Variants in NRG3 observed in about 807,000 individuals in gnomAD.
NRG3 encodes the protein pro-neuregulin-3, membrane-bound isoform.
NRG3 carries 31 observed loss-of-function variants against 66.9 expected under a neutral mutation model. The observed-to-expected ratio is 0.46, with a 90% CI of 0.35 to 0.63. The LOEUF is 0.63. Among genes scored for constraint, NRG3 ranks in the 20% least tolerant of loss-of-function variants. The probability of loss-of-function intolerance (pLI) is 0.00; values close to 1 mark genes in which losing one functional copy is unlikely to be tolerated. For synonymous variants in NRG3, 393 were observed against 359.4 expected, an observed-to-expected ratio of 1.09 and a Z score of -1.06; for missense variants, 910 against 878.9, an observed-to-expected ratio of 1.04 and a Z score of -0.45.
At chr10:81,956,981 G>A (rs1849896949) in intron 1 of NRG3, among the ~76,000 whole-genome samples, 1 of 152,182 alleles carries the variant, frequency 6.6e-6, no homozygotes, top group Non-Finnish European at 1.5e-5. Flanking sequence ...ATACATGCCT[G>A]TCTTCCATAG....
At chr10:82,086,623 A>T (rs2065740951) in intron 1 of NRG3, among the ~76,000 whole-genome samples, 1 of 152,140 alleles carries the variant, frequency 6.6e-6, no homozygotes, top group Non-Finnish European at 1.5e-5. Context: ...GGTTCTAAAG[A>T]TAGAGAGGAA....
chr10:82,271,821 T>C (rs553401521), intron 1 of NRG3, among the ~76,000 whole-genome samples: 1 of 152,224 alleles, frequency 6.6e-6, no homozygotes, highest in South Asian at 2.1e-4. Flanking sequence ...TCACACTTTA[T>C]ACCTTAGATA....
chr10:82,940,789 G>GA (rs985970211), intron 4 of NRG3, among the ~76,000 whole-genome samples: 5 of 152,056 alleles, frequency 3.3e-5, no homozygotes, highest in Non-Finnish European at 7.4e-5. Context: ...TCCTATCTGT[G>GA]AGGGTGGAGC....
At chr10:82,584,409 C>A (rs1206281540) in intron 2 of NRG3, among the ~76,000 whole-genome samples, 1 of 152,142 alleles carries the variant, frequency 6.6e-6, no homozygotes, top group Non-Finnish European at 1.5e-5. Flanking sequence ...ATCTCAGGAG[C>A]CAACTCCATT....
intron 3 of NRG3, among the ~76,000 whole-genome samples, chr10:82,749,509 T>C (rs941988176): frequency 6.6e-6 from 1 of 152,156 alleles, no homozygotes; most frequent in East Asian, 1.9e-4. Context: ...TATAAGGTGT[T>C]TGGAGCCTGA....
chr10:82,388,246 A>G (rs897970372), intron 2 of NRG3, among the ~76,000 whole-genome samples: 6 of 152,208 alleles, frequency 3.9e-5, no homozygotes, highest in Non-Finnish European at 7.3e-5. Context: ...GGGAATAAGA[A>G]AGTTTTTTTA....
chr10:82,112,706 C>G (rs570753557), intron 1 of NRG3, among the ~76,000 whole-genome samples: 7 of 152,100 alleles, frequency 4.6e-5, no homozygotes, highest in Non-Finnish European at 1.0e-4. Context: ...CTGAAGGTCA[C>G]CCTATGGTTT....
chr10:82,443,244 GA>G (rs1223275329), intron 2 of NRG3, among the ~76,000 whole-genome samples: 1 of 151,972 alleles, frequency 6.6e-6, no homozygotes, highest in East Asian at 1.9e-4. Context: ...TATCCCACTT[GA>G]CACATCACGA....
Position 82,659,061 on chromosome 10 carries a change from T to C in NRG3, c.954-79516T>C, listed in dbSNP as rs80347379. On this transcript the variant is annotated intron_variant, in intron 2 of 8. Coordinates refer to ENST00000372141, the MANE Select transcript of NRG3 (RefSeq NM_001010848.4). Reference sequence around the variant, plus strand: ...GTTCTAGATAGTACAAATTCACTGATTTCATTATTCTGAGCTCAAGTAATC... The same window carrying C: ...GTTCTAGATAGTACAAATTCACTGACTTCATTATTCTGAGCTCAAGTAATC... 1.5e-4 allele frequency among the ~76,000 whole-genome samples: 23 copies of C among 152,354 alleles called. No homozygotes were observed. In the East Asian group the frequency reaches 4.4e-3, roughly 29 times the overall value.
chr10:81,892,360 C>CG (rs1423051106), intron 1 of NRG3, among the ~76,000 whole-genome samples: 2 of 151,782 alleles, frequency 1.3e-5, no homozygotes, highest in Admixed American at 1.3e-4. Flanking sequence ...GGAGGAATTG[C>CG]GGGCACACAC....
In NRG3 at chr10:82,047,474, C is replaced by T. The variant is rs1589901750; in HGVS notation, c.823+171311C>T. Among the ~76,000 whole-genome samples, 4 of 151,884 alleles carry T rather than the reference C, an allele frequency of 2.6e-5. 1 individual carries two copies. The highest frequency in any genetic ancestry group is 2.0e-4 in the Admixed American group (3 of 15,216). ...CATTCTTAAAGGAAAGAATTTTCAACCCAGAATTTCATATCCAGCCAAACT... is the reference window on the plus strand; with the variant it reads ...CATTCTTAAAGGAAAGAATTTTCAATCCAGAATTTCATATCCAGCCAAACT... On this transcript the variant is annotated intron_variant, in intron 1 of 8. Transcript: ENST00000372141.
At chr10:82,717,381 T>C (rs980473894) in intron 2 of NRG3, among the ~76,000 whole-genome samples, 27 of 144,446 alleles carry the variant, frequency 1.9e-4, no homozygotes, top group Admixed American at 1.8e-3. Context: ...AAATGAAGCA[T>C]TGGAAAAGCT....
chr10:82,475,946 A>T (rs891764611), intron 2 of NRG3, among the ~76,000 whole-genome samples: 1 of 152,186 alleles, frequency 6.6e-6, no homozygotes, highest in Non-Finnish European at 1.5e-5. Flanking sequence ...CACATCTGAT[A>T]AGCAGTTAAG....
At chr10:82,125,453 G>A (rs1430149016) in intron 1 of NRG3, among the ~76,000 whole-genome samples, 4 of 151,926 alleles carry the variant, frequency 2.6e-5, no homozygotes, top group Admixed American at 6.6e-5. Flanking sequence ...CATAAATCAT[G>A]GCTGTATATA....
chr10:82,337,751 G>GTA (rs141202354), intron 1 of NRG3, among the ~76,000 whole-genome samples: 4,282 of 152,170 alleles, frequency 0.028, 180 homozygotes, highest in African/African-American at 0.093. Context: ...TTTGTTGGAT[G>GTA]TATGTATATA....
chr10:82,492,105 C>T (rs1176755750), intron 2 of NRG3, among the ~76,000 whole-genome samples: 2 of 152,164 alleles, frequency 1.3e-5, no homozygotes, highest in African/African-American at 4.8e-5. Context: ...TCCTTTCACT[C>T]TTTGAATCAA....
At position 82,249,253 on chromosome 10, in the gene NRG3, T is replaced by C. The variant is rs535442956; in HGVS notation, c.824-109486T>C. On this transcript the variant is annotated intron_variant, in intron 1 of 8. Coordinates refer to ENST00000372141, the MANE Select transcript of NRG3 (RefSeq NM_001010848.4). ...GCCTTCCAGCTCCCTGCACAGGACA[T>C]TACATCCAGTAGACAGATGTTCAAT... Among the ~76,000 whole-genome samples the C allele has an allele frequency of 1.1e-4, 17 of 152,326 alleles. No individual in the cohort carries two copies. The South Asian group carries it at 3.1e-3, about 28-fold the overall frequency.
chr10:82,562,322 T>A (rs2045106416), intron 2 of NRG3, among the ~76,000 whole-genome samples: 3 of 152,170 alleles, frequency 2.0e-5, no homozygotes, highest in Admixed American at 1.3e-4. Context: ...ATTGGAAAAG[T>A]GAGAGTATAG....
intron 1 of NRG3, among the ~76,000 whole-genome samples, chr10:82,356,118 A>G (rs2083763660): frequency 6.6e-6 from 1 of 152,164 alleles, no homozygotes; most frequent in African/African-American, 2.4e-5. Flanking sequence ...TAATGTGCTG[A>G]TAGATGATAA....
Sources: gnomAD v4.1 joint callset for allele counts (sites outside exome capture counted in the v4.1 genomes callset) on GRCh38, gnomAD v4.1.1 for gene constraint, MANE v1.5 for transcripts, NCBI Gene and HGNC (gene_info 2026-07-23, HGNC 2026-07-21) for gene names.